Variants in CRYBG1 observed in about 807,000 individuals in gnomAD.
CRYBG1 encodes beta/gamma crystallin domain-containing protein 1.
CRYBG1 carries 139 observed loss-of-function variants against 189.2 expected under a neutral mutation model. The observed-to-expected ratio is 0.73, with a 90% CI of 0.64 to 0.85. CRYBG1 has a LOEUF of 0.85. Ranked by LOEUF, CRYBG1 falls within the 40% of genes least tolerant of loss-of-function variation. The pLI is 0.00. For missense variants in CRYBG1, 2,611 were observed against 2,675.8 expected, an observed-to-expected ratio of 0.98 and a Z score of 0.53; for synonymous variants, 1,023 against 1,017.1, an observed-to-expected ratio of 1.01 and a Z score of -0.11.
intron 7 of CRYBG1, among the ~76,000 whole-genome samples, chr6:106,529,769 A>G (rs1040319577): frequency 6.6e-5 from 10 of 152,222 alleles, no homozygotes; most frequent in Non-Finnish European, 1.3e-4. Flanking sequence ...TATGGACACA[A>G]AACAGTGGCT....
chr6:106,451,984 T>C (rs1266526511), intron 2 of CRYBG1, among the ~76,000 whole-genome samples, 152 bp downstream of exon 2: 2 of 148,514 alleles, frequency 1.3e-5, no homozygotes, highest in Non-Finnish European at 3.0e-5. Flanking sequence ...ATATATGTTA[T>C]ATAATATGTA....
At chr6:106,546,462 T>A (rs1433796036) in intron 13 of CRYBG1, among the ~76,000 whole-genome samples, 8 of 152,206 alleles carry the variant, frequency 5.3e-5, no homozygotes, top group African/African-American at 1.9e-4. Context: ...CCTCCCACAA[T>A]AGCCCTGGAT....
chr6:106,568,478 C>A lies in CRYBG1; in HGVS notation c.6308C>A (p.Thr2103Lys). The A allele has an allele frequency of 6.2e-7, 1 of 1,612,750 alleles. No individual in the cohort carries two copies. The highest frequency in any genetic ancestry group is 8.5e-7 in the Non-Finnish European group (1 of 1,178,756). ...TTATTTTCCTTTCTTTTAGGGGGCA[C>A]ACAGTATGATCAAAATCACATTATC... is the stretch of plus-strand genomic sequence containing the variant. ...PNLVLDIKGG[T>K]QYDQNHIILN... The change falls in exon 22 of 22, where the codon ACA becomes AAA. Residue 2103 changes from threonine (T) to lysine (K), a missense_variant. Thr to Lys is a moderately conservative substitution (Grantham distance 78). Transcript: ENST00000633556.
Position 106,530,195 on chromosome 6 carries a change from T to C in CRYBG1, c.4598T>C (p.Ile1533Thr), listed in dbSNP as rs145617796. 1.2e-6 allele frequency: 2 copies of C among 1,611,976 alleles called. No individual in the cohort carries two copies. Among genetic ancestry groups the C allele is most frequent in the South Asian group, 1.1e-5 (1 of 90,940 alleles). ...TTTCAGGATTACAGAGTTAGTCACA[T>C]TGACTTATTTACTGAACCAGAAGGG... ...HVVQDYRVSH[I>T]DLFTEPEGLG... Residue 1533 changes from isoleucine (I) to threonine (T), a missense_variant, in exon 8 of 22, where the codon ATT becomes ACT. This residue lies in a region of CRYBG1 where 1,622 missense variants were observed against 1,735.0 expected (regional missense o/e 0.93). Transcript: ENST00000633556.
At chr6:106,375,653 C>T (rs74520187) in intron 1 of CRYBG1, among the ~76,000 whole-genome samples, 10,003 of 152,172 alleles carry the variant, frequency 0.066, 437 homozygotes, top group East Asian at 0.16. Context: ...TGTGTGGAAA[C>T]GGTCAGATCG....
intron 2 of CRYBG1, among the ~76,000 whole-genome samples, chr6:106,480,939 C>T (rs1354995846): frequency 6.9e-6 from 1 of 145,868 alleles, no homozygotes; most frequent in Non-Finnish European, 1.5e-5. Flanking sequence ...CCACTGCACT[C>T]CAGCCTGGGT....
intron 6 of CRYBG1, 29 bp from the exon 7 acceptor site, chr6:106,527,276 C>T: frequency 6.3e-7 from 1 of 1,588,776 alleles, no homozygotes; most frequent in Non-Finnish European, 8.6e-7. Flanking sequence ...CGAAGACTGA[C>T]TAATGGTTTT....
intron 2 of CRYBG1, among the ~76,000 whole-genome samples, chr6:106,510,801 T>C (rs1019360446): frequency 4.6e-5 from 7 of 152,246 alleles, no homozygotes; most frequent in African/African-American, 1.7e-4. Flanking sequence ...CTCGGGTGTT[T>C]GAACGCTCGC....
chr6:106,519,305 A>G lies in CRYBG1; in HGVS notation c.2097A>G (p.Arg699=). 1 of 1,614,158 alleles carries G rather than the reference A, an allele frequency of 6.2e-7. No homozygotes were observed. The highest frequency in any genetic ancestry group is 8.5e-7 in the Non-Finnish European group (1 of 1,180,006). Residue 699 remains arginine (R), a synonymous_variant, in exon 4 of 22, where the codon CGA becomes CGG. Transcript: ENST00000633556. ...TNSSPRHTDI[R]GQRNTPASSK... ...GTAGCCCAAGACACACTGACATTCGAGGCCAAAGGAATACTCCTGCCTCTA... is the reference window on the plus strand; with the variant it reads ...GTAGCCCAAGACACACTGACATTCGGGGCCAAAGGAATACTCCTGCCTCTA...
In CRYBG1 at chr6:106,512,258, T is replaced by C. The variant is rs1022077009; in HGVS notation, c.1141T>C (p.Tyr381His). ...HPAKVLTLDI[Y>H]LSKTEGAQVD... ...TGCTAAGGTGCTAACTTTGGACATC[T>C]ACTTGAGTAAGACTGAGGGGGCACA... The change falls in exon 3 of 22, where the codon TAC becomes CAC. Residue 381 changes from tyrosine to histidine, a missense_variant. Transcript: ENST00000633556. The C allele has an allele frequency of 1.9e-6, 3 of 1,554,744 alleles. No individual in the cohort carries two copies. Among genetic ancestry groups the C allele is most frequent in the East Asian group, 2.3e-5 (1 of 42,674 alleles).
intron 2 of CRYBG1, among the ~76,000 whole-genome samples, chr6:106,501,040 T>G (rs1030278827): frequency 1.3e-5 from 2 of 152,182 alleles, no homozygotes; most frequent in African/African-American, 4.8e-5. Context: ...ATTTGGTAAA[T>G]ATTTAAGTGC....
At chr6:106,422,510 T>C (rs1479808140) in intron 1 of CRYBG1, among the ~76,000 whole-genome samples, 1 of 151,802 alleles carries the variant, frequency 6.6e-6, no homozygotes, top group African/African-American at 2.4e-5. Context: ...TTTTGTATTG[T>C]TTTTTAGAGA....
chr6:106,381,169 A>G (rs9386533), intron 1 of CRYBG1, among the ~76,000 whole-genome samples: 41,537 of 152,140 alleles, frequency 0.27, 5,877 homozygotes, highest in Middle Eastern at 0.35. Flanking sequence ...ACTCCTATAT[A>G]CAGCATAGAA....
chr6:106,518,930 G>C (rs1243414774), intron 3 of CRYBG1, among the ~76,000 whole-genome samples: 1 of 151,786 alleles, frequency 6.6e-6, no homozygotes, highest in African/African-American at 2.4e-5. Context: ...CTGTACTCCA[G>C]TCTTGGCGAC....
chr6:106,431,307 T>A (rs1771320858), intron 1 of CRYBG1, among the ~76,000 whole-genome samples: 1 of 152,212 alleles, frequency 6.6e-6, no homozygotes, highest in South Asian at 2.1e-4. Context: ...ATAAGTACAT[T>A]CTTAGCTGGA....
chr6:106,558,427 C>T, intron 17 of CRYBG1, 59 bp from the exon 18 acceptor site: 3 of 1,387,788 alleles, frequency 2.2e-6, no homozygotes, highest in South Asian at 1.4e-5. Flanking sequence ...ATGATTTTCA[C>T]ATAAGTTTGA....
intron 13 of CRYBG1, among the ~76,000 whole-genome samples, chr6:106,545,468 T>C (rs747842800): frequency 6.6e-6 from 1 of 152,246 alleles, no homozygotes; most frequent in African/African-American, 2.4e-5. Flanking sequence ...CAAGCCAAGC[T>C]AAATTGGCTC....
intron 1 of CRYBG1, among the ~76,000 whole-genome samples, chr6:106,447,153 T>C (rs1771678102): frequency 6.6e-6 from 1 of 152,222 alleles, no homozygotes; most frequent in South Asian, 2.1e-4. Context: ...ATTTGGCGGT[T>C]GTTTTATGTT....
At chr6:106,371,740 G>C (rs527718029) in intron 1 of CRYBG1, among the ~76,000 whole-genome samples, 1 of 152,280 alleles carries the variant, frequency 6.6e-6, no homozygotes, top group East Asian at 1.9e-4. Context: ...CAAGATAAAA[G>C]CAAAGTAGGA....
Sources: gnomAD v4.1 joint callset for allele counts (sites outside exome capture counted in the v4.1 genomes callset) on GRCh38, gnomAD v4.1.1 for gene constraint, gnomAD v4.1.1 regional missense constraint, MANE v1.5 for transcripts, NCBI Gene and HGNC (gene_info 2026-07-23, HGNC 2026-07-21) for gene names.